The following ATRNL1 variants were observed in gnomAD, a reference collection of about 807,000 sequenced individuals.
ATRNL1 encodes the protein attractin like 1, also known as attractin-like protein 1.
In ATRNL1, 95 loss-of-function variants were observed where a neutral mutation model predicts 182.7. The ratio of observed to expected loss-of-function variants is 0.52; its 90% CI spans 0.44 to 0.62. The LOEUF is 0.62. ATRNL1 is among the 20% of genes least tolerant of loss of function. ATRNL1 has a pLI of 0.00. For synonymous variants in ATRNL1, 576 were observed against 568.3 expected (o/e 1.01, Z -0.19); for missense variants, 1,471 against 1,679.5 (o/e 0.88, Z 2.17).
chr10:115,144,453 C>T (rs909377783), intron 5 of ATRNL1, among the ~76,000 whole-genome samples: 14 of 151,632 alleles, frequency 9.2e-5, no homozygotes, highest in African/African-American at 2.2e-4. Context: ...CCACTGTGCC[C>T]GGCCAATTTT....
At chr10:115,688,400 C>A (rs1305912993) in intron 26 of ATRNL1, among the ~76,000 whole-genome samples, 1 of 152,116 alleles carries the variant, frequency 6.6e-6, no homozygotes, top group Admixed American at 6.5e-5. Flanking sequence ...ACTGTTTCCA[C>A]AGTGGCTGCA....
At chr10:115,680,491 G>A (rs1946011681) in intron 26 of ATRNL1, among the ~76,000 whole-genome samples, 1 of 152,108 alleles carries the variant, frequency 6.6e-6, no homozygotes, top group Admixed American at 6.6e-5. Context: ...AACTATAGGG[G>A]ATCATATGAA....
At chr10:115,611,388 T>C (rs939880084) in intron 26 of ATRNL1, among the ~76,000 whole-genome samples, 6 of 152,214 alleles carry the variant, frequency 3.9e-5, no homozygotes, top group Non-Finnish European at 8.8e-5. Context: ...ATTGTCAAAA[T>C]ACAACATTTA....
rs572352252 is a variant in ATRNL1 at position 115,904,036 on chromosome 10, G to C, written c.4019-40622G>C. On this transcript the variant is annotated intron_variant, in intron 28 of 28. Coordinates refer to ENST00000355044, the MANE Select transcript of ATRNL1 (RefSeq NM_207303.4). ...AAGTAAGGACGGCCTCAGACCAAGA[G>C]GTAAGTCTGGCACCTGTGGGAGGCA... is the stretch of plus-strand genomic sequence containing the variant. Among the ~76,000 whole-genome samples the C allele has an allele frequency of 2.0e-5, 3 of 152,252 alleles. No individual in the cohort carries two copies. In the South Asian group the frequency reaches 6.2e-4, roughly 32 times the overall value.
At chr10:115,677,606 C>T (rs1368059975) in intron 26 of ATRNL1, among the ~76,000 whole-genome samples, 1 of 152,048 alleles carries the variant, frequency 6.6e-6, no homozygotes. Flanking sequence ...TCTTTTGCTG[C>T]CGCCATGTAA....
intron 18 of ATRNL1, among the ~76,000 whole-genome samples, chr10:115,330,130 G>C (rs750492487): frequency 3.4e-4 from 52 of 151,752 alleles, no homozygotes; most frequent in Non-Finnish European, 5.7e-4. Context: ...AGTTAATTTT[G>C]GTCGGAAGAA....
At chr10:115,374,671 A>G (rs1857579357) in intron 19 of ATRNL1, among the ~76,000 whole-genome samples, 1 of 151,812 alleles carries the variant, frequency 6.6e-6, no homozygotes, top group South Asian at 2.1e-4. Context: ...AACTTTTGGT[A>G]GGTTGTGATT....
intron 5 of ATRNL1, among the ~76,000 whole-genome samples, chr10:115,150,543 T>A (rs1322822131): frequency 6.6e-6 from 1 of 152,072 alleles, no homozygotes; most frequent in Non-Finnish European, 1.5e-5. Context: ...TGATTTTCAT[T>A]TGTTTCAAAA....
chr10:115,164,107 T>C (rs1451414239), intron 6 of ATRNL1, among the ~76,000 whole-genome samples: 1 of 152,174 alleles, frequency 6.6e-6, no homozygotes, highest in Admixed American at 6.6e-5. Flanking sequence ...CTTCCTTTTG[T>C]ATATTTTAGC....
chr10:115,631,967 A>G (rs1259715326), intron 26 of ATRNL1, among the ~76,000 whole-genome samples: 1 of 152,140 alleles, frequency 6.6e-6, no homozygotes, highest in African/African-American at 2.4e-5. Context: ...ATATATATCA[A>G]TATATAGTTG....
intron 18 of ATRNL1, among the ~76,000 whole-genome samples, chr10:115,331,872 A>T (rs943492717): frequency 1.3e-5 from 2 of 152,124 alleles, no homozygotes; most frequent in Non-Finnish European, 2.9e-5. Flanking sequence ...CAGGCCATGT[A>T]AGAGATCAGG....
At chr10:115,554,322 G>T (rs928012774) in intron 26 of ATRNL1, among the ~76,000 whole-genome samples, 1 of 151,254 alleles carries the variant, frequency 6.6e-6, no homozygotes, top group East Asian at 1.9e-4. Flanking sequence ...CAGGTCTTCC[G>T]CATGCCTATT....
At position 115,266,846 on chromosome 10, in the gene ATRNL1, C is replaced by T. The variant is rs1359811716; in HGVS notation, c.1822C>T (p.Leu608Phe). ...TTCTAGTGTACTCCTTAATGATATC[C>T]TTGTATACAAGCCTCCAAATTGCAA... ...GFSSVLLNDI[L>F]VYKPPNCKAF... Residue 608 changes from leucine (L) to phenylalanine (F), a missense_variant, in exon 12 of 29, where the codon CTT becomes TTT. Leu to Phe is a conservative substitution (Grantham distance 22). This residue lies in a region of ATRNL1 where 1,031 missense variants were observed against 1,156.0 expected (regional missense o/e 0.89). Coordinates refer to ENST00000355044, the MANE Select transcript of ATRNL1 (RefSeq NM_207303.4). 2 of 1,611,482 alleles carry T rather than the reference C, an allele frequency of 1.2e-6. No homozygotes were observed. The highest frequency in any genetic ancestry group is 2.2e-5 in the East Asian group (1 of 44,702).
chr10:115,888,344 CT>C (rs1952000732), intron 28 of ATRNL1, among the ~76,000 whole-genome samples: 1 of 152,110 alleles, frequency 6.6e-6, no homozygotes. Flanking sequence ...TTTTTGATGT[CT>C]TTGATTAATA....
rs182974212 is a variant in ATRNL1, at chr10:115,732,153, T to C, written c.3903+4798T>C. Reference sequence around the variant, plus strand: ...TTGTGTAAAAAAAATTGTATAAACATGTTTACATTTTTTTGGGTATATGCC... The same window carrying C: ...TTGTGTAAAAAAAATTGTATAAACACGTTTACATTTTTTTGGGTATATGCC... On this transcript the variant is annotated intron_variant, in intron 27 of 28. Transcript: ENST00000355044. Among the ~76,000 whole-genome samples, 69 of 152,316 alleles carry C rather than the reference T, an allele frequency of 4.5e-4. No homozygotes were observed. The South Asian group carries it at 6.2e-3, about 14-fold the overall frequency.
chr10:115,698,985 AT>A (rs1327109881), intron 26 of ATRNL1, among the ~76,000 whole-genome samples: 8 of 152,126 alleles, frequency 5.3e-5, no homozygotes, highest in Admixed American at 2.0e-4. Flanking sequence ...AGTAAATATG[AT>A]TTTTTTAATC....
At chr10:115,271,982 G>C (rs1851886967) in intron 13 of ATRNL1, among the ~76,000 whole-genome samples, 1 of 152,100 alleles carries the variant, frequency 6.6e-6, no homozygotes, top group Admixed American at 6.5e-5. Context: ...CTTGCTCTGG[G>C]TTCACTTGAG....
At chr10:115,865,743 G>A (rs550748765) in intron 28 of ATRNL1, among the ~76,000 whole-genome samples, 11 of 152,190 alleles carry the variant, frequency 7.2e-5, no homozygotes, top group Non-Finnish European at 1.5e-4. Flanking sequence ...TCTGTGTGAC[G>A]CCGTATGCTG....
chr10:115,794,579 T>C (rs1555082464), intron 27 of ATRNL1, among the ~76,000 whole-genome samples: 1 of 152,176 alleles, frequency 6.6e-6, no homozygotes, highest in Non-Finnish European at 1.5e-5. Flanking sequence ...GATTTTAGAA[T>C]GTCCCTCAAT....
Sources: allele counts gnomAD v4.1 joint callset (sites outside exome capture counted in the v4.1 genomes callset), GRCh38; gene constraint gnomAD v4.1.1; regional missense constraint gnomAD v4.1.1; transcripts MANE v1.5; gene names NCBI Gene and HGNC (gene_info 2026-07-23, HGNC 2026-07-21).